ZFAT: variants seen among roughly 807,000 people sequenced by gnomAD.
ZFAT encodes the protein zinc finger protein ZFAT.
A neutral mutation model predicts 117.7 loss-of-function variants in ZFAT; 64 were observed. The observed-to-expected ratio is 0.54, with a 90% CI of 0.44 to 0.67. The LOEUF is 0.67. ZFAT is among the 30% of genes least tolerant of loss of function. ZFAT has a pLI of 0.00. For synonymous variants in ZFAT, 679 were observed against 615.0 expected (o/e 1.10, Z -1.54); for missense variants, 1,433 against 1,584.5 (o/e 0.90, Z 1.62).
the ZFAT span, among the ~76,000 whole-genome samples, chr8:134,718,841 A>G: frequency 6.6e-6 from 1 of 152,370 alleles, no homozygotes; most frequent in East Asian, 1.9e-4. Context: ...TATTTCAAAT[A>G]AAGGATGGCA....
At position 134,572,804 on chromosome 8, in the gene ZFAT, A is replaced by G. The variant is rs552795747; in HGVS notation, c.2888-7383T>C. 4.8e-4 allele frequency among the ~76,000 whole-genome samples: 46 copies of G among 95,690 alleles called. No individual in the cohort carries two copies. In the East Asian group the frequency reaches 0.018, roughly 37 times the overall value. The allele number at this position is 95,690 out of a possible 152,430, so 62.8% of individuals were successfully genotyped here. On this transcript the variant is annotated intron_variant, in intron 10 of 15. Transcript: ENST00000377838. Reference sequence around the variant, plus strand: ...CTGCAAGAATATTGCCACGGTGGGGAAAAAAAAAAAAGCTGACTGTGGGAA... The same window carrying G: ...CTGCAAGAATATTGCCACGGTGGGGGAAAAAAAAAAAGCTGACTGTGGGAA...
intron 1 of ZFAT, among the ~76,000 whole-genome samples, chr8:134,686,074 G>T (rs981712927): frequency 6.6e-6 from 1 of 152,220 alleles, no homozygotes; most frequent in African/African-American, 2.4e-5. Flanking sequence ...GTCCCCAGAG[G>T]GGGTGCAGCT....
At chr8:134,479,082 G>C (rs1000350204) in intron 15 of ZFAT, among the ~76,000 whole-genome samples, 6 of 152,188 alleles carry the variant, frequency 3.9e-5, no homozygotes, top group Non-Finnish European at 8.8e-5. Context: ...GTTACTGCAG[G>C]TGTCAGTGGT....
chr8:134,571,937 A>G (rs1017318764), intron 10 of ZFAT, among the ~76,000 whole-genome samples: 1 of 152,246 alleles, frequency 6.6e-6, no homozygotes, highest in Non-Finnish European at 1.5e-5. Context: ...AACCACCAAA[A>G]CAAAATAGCC....
chr8:134,601,960 G>C lies in ZFAT; in HGVS notation c.1759C>G (p.Leu587Val), dbSNP rs1228355886. The change falls in exon 6 of 16, where the codon CTG becomes GTG. Residue 587 changes from leucine to valine, a missense_variant. Transcript: ENST00000377838. ...TCTGAAACCACCTCTTGAGAATGCA[G>C]GTCTGAGGAGGAGACCACGGTGGTT... ...LETTVVSSSD[L>V]HSQEVVSDDF... The C allele has an allele frequency of 3.1e-6, 5 of 1,613,974 alleles. 1 individual carries two copies. The South Asian group carries it at 5.5e-5, about 18-fold the overall frequency.
chr8:134,622,916 G>A (rs572875788), intron 3 of ZFAT, among the ~76,000 whole-genome samples: 1 of 152,138 alleles, frequency 6.6e-6, no homozygotes, highest in South Asian at 2.1e-4. Context: ...TTTCCCAGCT[G>A]CCCTCGGTCC....
At chr8:134,524,720 A>ATGAG (rs1386257383) in intron 12 of ZFAT, among the ~76,000 whole-genome samples, 2 of 152,222 alleles carry the variant, frequency 1.3e-5, no homozygotes, top group Non-Finnish European at 2.9e-5. Context: ...GCCCTGCCTC[A>ATGAG]CACCATAGCA....
chr8:134,628,357 G>A (rs960470923), intron 3 of ZFAT, among the ~76,000 whole-genome samples: 3 of 152,198 alleles, frequency 2.0e-5, no homozygotes, highest in Non-Finnish European at 4.4e-5. Context: ...CAAAGTGGGA[G>A]AGGGTAAGAA....
At chr8:134,672,979 G>A (rs984057657) in intron 1 of ZFAT, among the ~76,000 whole-genome samples, 1 of 152,186 alleles carries the variant, frequency 6.6e-6, no homozygotes, top group Non-Finnish European at 1.5e-5. Context: ...AAATACACCA[G>A]ATTTTCCTCT....
At chr8:134,683,655 C>G (rs1833175518) in intron 1 of ZFAT, among the ~76,000 whole-genome samples, 1 of 152,078 alleles carries the variant, frequency 6.6e-6, no homozygotes, top group Admixed American at 6.6e-5. Flanking sequence ...AAAGGCAGGG[C>G]AGGCACACTG....
chr8:134,481,738 T>C (rs1337542222), intron 15 of ZFAT, among the ~76,000 whole-genome samples: 1 of 152,228 alleles, frequency 6.6e-6, no homozygotes, highest in African/African-American at 2.4e-5. Context: ...AAATGGCTGC[T>C]GCCCATAGAC....
intron 1 of ZFAT, among the ~76,000 whole-genome samples, chr8:134,686,373 C>A (rs1255008112): frequency 1.3e-5 from 2 of 152,136 alleles, no homozygotes; most frequent in Non-Finnish European, 2.9e-5. Flanking sequence ...CCAGAGACTT[C>A]TGGGGTGCAG....
At chr8:134,713,064 A>T, upstream of ZFAT, 1 of 548,664 alleles carries the variant, frequency 1.8e-6, no homozygotes, top group Non-Finnish European at 2.8e-6. Flanking sequence ...CGGGGCGCAG[A>T]CGCCTGCGTA....
the ZFAT span, among the ~76,000 whole-genome samples, chr8:134,768,103 G>A: frequency 6.6e-6 from 1 of 151,928 alleles, no homozygotes; most frequent in South Asian, 2.1e-4. Context: ...ACTGTTTTTT[G>A]TTTTTACAAA....
At chr8:134,805,739 G>A in the ZFAT span, among the ~76,000 whole-genome samples, 10 of 152,142 alleles carry the variant, frequency 6.6e-5, no homozygotes, top group East Asian at 7.7e-4. Context: ...TTGGGAGGCC[G>A]AGGCAGGTGG....
the ZFAT span, among the ~76,000 whole-genome samples, chr8:134,719,973 T>C: frequency 1.9e-3 from 287 of 152,362 alleles, no homozygotes; most frequent in African/African-American, 6.7e-3. Context: ...GGATTGACCA[T>C]GTGACTTGCT....
chr8:134,634,018 C>A (rs1437423235), intron 3 of ZFAT, among the ~76,000 whole-genome samples: 3 of 152,062 alleles, frequency 2.0e-5, no homozygotes, highest in African/African-American at 7.2e-5. Flanking sequence ...TGCACTCCAG[C>A]CTAGGCAACA....
chr8:134,592,953 C>T (rs1219867268), intron 7 of ZFAT, among the ~76,000 whole-genome samples: 1 of 152,248 alleles, frequency 6.6e-6, no homozygotes, highest in African/African-American at 2.4e-5. Context: ...GGGATCCAGG[C>T]ACCACTTAAG....
intron 7 of ZFAT, among the ~76,000 whole-genome samples, chr8:134,593,746 C>T (rs1826702199): frequency 6.6e-6 from 1 of 152,214 alleles, no homozygotes; most frequent in African/African-American, 2.4e-5. Flanking sequence ...GGGGTTTCTA[C>T]TCAACCATTT....
Sources: gnomAD v4.1 joint callset for allele counts (sites outside exome capture counted in the v4.1 genomes callset) on GRCh38, gnomAD v4.1.1 for gene constraint, MANE v1.5 for transcripts, NCBI Gene and HGNC (gene_info 2026-07-23, HGNC 2026-07-21) for gene names.